SLC26A5: variants seen among roughly 807,000 people sequenced by gnomAD.
SLC26A5 encodes solute carrier family 26 member 5.
In SLC26A5, 51 loss-of-function variants were observed where a neutral mutation model predicts 81.0. The observed-to-expected ratio is 0.63, with a 90% CI of 0.50 to 0.80. The LOEUF is 0.80. SLC26A5 is among the 30% of genes least tolerant of loss of function. The pLI, the probability that SLC26A5 is intolerant of heterozygous loss-of-function variation, is 0.00. For synonymous variants in SLC26A5, 325 were observed against 332.8 expected, an observed-to-expected ratio of 0.98 and a Z score of 0.25; for missense variants, 771 against 905.8, an observed-to-expected ratio of 0.85 and a Z score of 1.91.
At chr7:103,379,591 T>C (rs759781233) in intron 15 of SLC26A5, among the ~76,000 whole-genome samples, 6 of 152,150 alleles carry the variant, frequency 3.9e-5, no homozygotes, top group Non-Finnish European at 8.8e-5. Context: ...CATCTTTCCA[T>C]TTGTTTTAAA....
In SLC26A5 at chr7:103,411,545, C is replaced by T. The variant is rs766031757; in HGVS notation, c.445G>A (p.Val149Ile). The change falls in exon 6 of 20, where the codon GTT becomes ATT. Residue 149 changes from valine to isoleucine, a missense_variant. Physicochemically the swap from Val to Ile is conservative, Grantham distance 29. Coordinates refer to ENST00000306312, the MANE Select transcript of SLC26A5 (RefSeq NM_198999.3). ...ACTATATCATCTGGTACTAATCGAA[C>T]AGCTACACCACCAATCATCAGGCTA... Reference protein sequence around the residue: ...VISLMIGGVAVRLVPDDIVIP... With the variant: ...VISLMIGGVAIRLVPDDIVIP... 4.3e-6 allele frequency: 7 copies of T among 1,614,072 alleles called. No homozygotes were observed. The African/African-American group carries it at 9.3e-5, about 22-fold the overall frequency.
At chr7:103,409,760 T>G (rs1824330562) in intron 7 of SLC26A5, among the ~76,000 whole-genome samples, 1 of 151,842 alleles carries the variant, frequency 6.6e-6, no homozygotes, top group Admixed American at 6.6e-5. Flanking sequence ...CAGGCTGGAG[T>G]GCAGTGATGG....
At chr7:103,357,919 TTTCC>T (rs1343740610) in intron 19 of SLC26A5, among the ~76,000 whole-genome samples, 1 of 152,158 alleles carries the variant, frequency 6.6e-6, no homozygotes, top group Non-Finnish European at 1.5e-5. Context: ...TCGGTTTCAT[TTTCC>T]TTAAGTTTTT....
intron 4 of SLC26A5, among the ~76,000 whole-genome samples, chr7:103,413,489 G>C (rs1222536944): frequency 6.6e-6 from 1 of 152,096 alleles, no homozygotes; most frequent in East Asian, 1.9e-4. Context: ...TTGCAATAAG[G>C]GACTCTCAGT....
At chr7:103,388,656 A>G (rs1286943255) in intron 14 of SLC26A5, 1 of 352,604 alleles carries the variant, frequency 2.8e-6, no homozygotes, top group East Asian at 7.3e-5. Flanking sequence ...ATGTCATTGA[A>G]ACTCATGTCA....
At chr7:103,381,616 AAT>A (rs1180423229) in intron 14 of SLC26A5, among the ~76,000 whole-genome samples, 3 of 151,294 alleles carry the variant, frequency 2.0e-5, no homozygotes, top group African/African-American at 7.3e-5. Context: ...TGCAATATAC[AAT>A]ACACACACCA....
intron 9 of SLC26A5, among the ~76,000 whole-genome samples, chr7:103,394,145 T>C (rs7792779): frequency 0.94 from 142,516 of 152,232 alleles, 67,418 homozygotes; most frequent in East Asian, 1. Flanking sequence ...CATAGCACAG[T>C]GACGGAAGGG....
intron 19 of SLC26A5, chr7:103,361,880 A>T: frequency 7.1e-7 from 1 of 1,405,396 alleles, no homozygotes; most frequent in Non-Finnish European, 9.7e-7. Context: ...TTGCACACTC[A>T]GGATATAATC....
In SLC26A5 at chr7:103,421,354, G is replaced by A. The variant is rs777190989; in HGVS notation, c.152+9C>T. 2.5e-6 allele frequency: 4 copies of A among 1,613,918 alleles called. No individual in the cohort carries two copies. The highest frequency in any genetic ancestry group is 3.4e-6 in the Non-Finnish European group (4 of 1,179,908). On this transcript the variant is annotated intron_variant, in intron 3 of 19. Coordinates refer to ENST00000306312, the MANE Select transcript of SLC26A5 (RefSeq NM_198999.3). ...TACAATAACAGAAACAGGTTAAAAG[G>A]CAACGTACGTGAATGCCTGTTTCAG...
At chr7:103,373,366 C>A (rs953024903), downstream of SLC26A5, among the ~76,000 whole-genome samples, 3 of 152,154 alleles carry the variant, frequency 2.0e-5, no homozygotes, top group Non-Finnish European at 4.4e-5. Flanking sequence ...ATGATATAAT[C>A]TAGCACAAAA....
chr7:103,421,765 T>A (rs1825371203), intron 2 of SLC26A5, among the ~76,000 whole-genome samples, 198 bp from the exon 3 acceptor site: 1 of 152,150 alleles, frequency 6.6e-6, no homozygotes, highest in African/African-American at 2.4e-5. Flanking sequence ...ACTTATTCCC[T>A]CCCAGAGTAA....
intron 9 of SLC26A5, among the ~76,000 whole-genome samples, chr7:103,397,648 C>T (rs1362451621): frequency 2.7e-5 from 4 of 146,446 alleles, no homozygotes; most frequent in Admixed American, 6.9e-5. Context: ...ACCTGGGAGA[C>T]GGAGGTTGCA....
intron 19 of SLC26A5, among the ~76,000 whole-genome samples, chr7:103,357,383 C>G (rs930517023): frequency 1.3e-5 from 2 of 151,624 alleles, no homozygotes; most frequent in Admixed American, 6.6e-5. Context: ...CTGTATTTCC[C>G]AATTTCTCTT....
intron 4 of SLC26A5, among the ~76,000 whole-genome samples, chr7:103,416,836 A>G (rs940159582): frequency 6.6e-6 from 1 of 152,120 alleles, no homozygotes; most frequent in African/African-American, 2.4e-5. Flanking sequence ...TAGAGATAAG[A>G]GCATACTTTC....
At position 103,411,496 on chromosome 7, in the gene SLC26A5, G is replaced by A. The variant is rs1824481823; in HGVS notation, c.494C>T (p.Thr165Ile). 3.1e-6 allele frequency: 5 copies of A among 1,614,138 alleles called. No individual in the cohort carries two copies. Among genetic ancestry groups the A allele is most frequent in the Middle Eastern group, 1.6e-4 (1 of 6,062 alleles). Reference sequence around the variant, plus strand: ...GGCATCTCTGGCCTCTGTGCCATTGGTTGCATTTACTCCTCCTGGAATGAC... The same window carrying A: ...GGCATCTCTGGCCTCTGTGCCATTGATTGCATTTACTCCTCCTGGAATGAC... ...DIVIPGGVNA[T>I]NGTEARDALR... The change falls in exon 6 of 20, where the codon ACC (threonine) becomes ATC (isoleucine). Residue 165 changes from threonine (T) to isoleucine (I), a missense_variant. Thr to Ile is a moderately conservative substitution (Grantham distance 89, BLOSUM62 -1). Transcript: ENST00000306312.
chr7:103,353,851 CTA>C, intron 19 of SLC26A5: 1 of 1,315,186 alleles, frequency 7.6e-7, no homozygotes, highest in Non-Finnish European at 1.1e-6. Flanking sequence ...AAAAAAAGCT[CTA>C]GTTTCTTTTT....
chr7:103,370,393 C>G (rs553316506), downstream of SLC26A5, among the ~76,000 whole-genome samples: 5 of 151,836 alleles, frequency 3.3e-5, no homozygotes, highest in Admixed American at 6.6e-5. Context: ...CCCCACCCCC[C>G]CAACACACAC....
At chr7:103,410,243 T>G in intron 7 of SLC26A5, 142 bp downstream of exon 7, 1 of 751,360 alleles carries the variant, frequency 1.3e-6, no homozygotes, top group Non-Finnish European at 2.2e-6. Context: ...CAGAAAACCT[T>G]AGAATAAATG....
intron 19 of SLC26A5, chr7:103,363,214 A>G (rs1820515104): frequency 1.5e-6 from 1 of 681,664 alleles, no homozygotes; most frequent in Non-Finnish European, 2.5e-6. Context: ...GCACTGGGCA[A>G]TGTATTCAAT....
Sources: gnomAD v4.1 joint callset for allele counts (sites outside exome capture counted in the v4.1 genomes callset) on GRCh38, gnomAD v4.1.1 for gene constraint, MANE v1.5 for transcripts, NCBI Gene and HGNC (gene_info 2026-07-23, HGNC 2026-07-21) for gene names.